The following PRKCD variants were observed in gnomAD, a reference collection of about 807,000 sequenced individuals.
The protein encoded by PRKCD is protein kinase C delta.
In PRKCD, 20 loss-of-function variants were observed where a neutral mutation model predicts 82.2. The ratio of observed to expected loss-of-function variants is 0.24; its 90% CI spans 0.17 to 0.35. The LOEUF (loss-of-function observed/expected upper bound fraction) is 0.35. PRKCD is among the 10% of genes least tolerant of loss of function. The pLI is 1.00. For synonymous variants in PRKCD, 317 were observed against 337.0 expected (o/e 0.94, Z 0.65); for missense variants, 607 against 899.0 (o/e 0.68, Z 4.15).
chr3:53,187,666 C>T (rs528381805), intron 15 of PRKCD, among the ~76,000 whole-genome samples: 1 of 152,328 alleles, frequency 6.6e-6, no homozygotes, highest in South Asian at 2.1e-4. Context: ...CCGTCAGTCT[C>T]GCTCTGAAGC....
chr3:53,183,220 C>A lies in PRKCD; in HGVS notation c.657+14C>A, dbSNP rs782766336. On this transcript the variant is annotated intron_variant, in intron 8 of 18. Coordinates refer to ENST00000330452, the MANE Select transcript of PRKCD (RefSeq NM_006254.4). ...CGGGACACTATAGTGAGCCTGGGTCCGGGGCAGGGCTGGGGATCTGGGGGG... is the reference window on the plus strand; with the variant it reads ...CGGGACACTATAGTGAGCCTGGGTCAGGGGCAGGGCTGGGGATCTGGGGGG... 1.2e-6 allele frequency: 2 copies of A among 1,613,054 alleles called. No homozygotes were observed. Among genetic ancestry groups the A allele is most frequent in the Non-Finnish European group, 1.7e-6 (2 of 1,179,314 alleles).
intron 2 of PRKCD, 24 bp from the exon 3 acceptor site, chr3:53,178,380 G>T (rs782647720): frequency 2.6e-6 from 4 of 1,557,514 alleles, no homozygotes; most frequent in South Asian, 1.1e-5. Context: ...CCGGCCGCCT[G>T]GCCTCACCCC....
intron 9 of PRKCD, 103 bp from the exon 10 acceptor site, chr3:53,184,771 C>A: frequency 1.1e-6 from 1 of 878,990 alleles, no homozygotes; most frequent in Non-Finnish European, 1.9e-6. Context: ...CAGCAGACCC[C>A]ACTGAAGCCC....
chr3:53,170,410 T>A (rs1273677913), intron 2 of PRKCD, among the ~76,000 whole-genome samples: 1 of 152,246 alleles, frequency 6.6e-6, no homozygotes, highest in African/African-American at 2.4e-5. Context: ...CCCGGCTTGC[T>A]GCCCTACCAA....
intron 2 of PRKCD, among the ~76,000 whole-genome samples, chr3:53,175,465 G>T (rs1703183862): frequency 6.6e-6 from 1 of 152,088 alleles, no homozygotes; most frequent in African/African-American, 2.4e-5. Context: ...AGAGACTATT[G>T]CTCATCAGGA....
intron 2 of PRKCD, among the ~76,000 whole-genome samples, chr3:53,168,222 TGATG>T (rs1553664213): frequency 6.6e-6 from 1 of 152,122 alleles, no homozygotes; most frequent in African/African-American, 2.4e-5. Context: ...CATCTGGGAC[TGATG>T]GAAGCTAGAA....
At chr3:53,189,298 C>A in intron 17 of PRKCD, 52 bp downstream of exon 17, 1 of 1,520,836 alleles carries the variant, frequency 6.6e-7, no homozygotes, top group East Asian at 2.3e-5. Context: ...GGGGCAGGGG[C>A]TGGCAGACAC....
chr3:53,185,139 C>CT (rs1213286992), intron 10 of PRKCD, among the ~76,000 whole-genome samples, 165 bp downstream of exon 10: 2 of 152,122 alleles, frequency 1.3e-5, no homozygotes, highest in African/African-American at 2.4e-5. Flanking sequence ...GGGAGGGGGG[C>CT]TTTTTTTCAT....
chr3:53,175,421 C>T (rs568382016), intron 2 of PRKCD, among the ~76,000 whole-genome samples: 5 of 152,240 alleles, frequency 3.3e-5, no homozygotes, highest in South Asian at 2.1e-4. Flanking sequence ...CCTTATCCTA[C>T]GTGAGTTCTC....
chr3:53,178,314 A>G (rs1703287286), intron 2 of PRKCD, 90 bp from the exon 3 acceptor site: 2 of 731,990 alleles, frequency 2.7e-6, no homozygotes, highest in Non-Finnish European at 4.5e-6. Context: ...ATCATAGCAG[A>G]GCCCTGGGGG....
At chr3:53,176,141 G>A (rs1284983140) in intron 2 of PRKCD, among the ~76,000 whole-genome samples, 1 of 152,160 alleles carries the variant, frequency 6.6e-6, no homozygotes, top group African/African-American at 2.4e-5. Context: ...AGAGGTCAAG[G>A]GCAGCTGGCC....
chr3:53,166,983 G>A (rs1301613711), intron 2 of PRKCD, among the ~76,000 whole-genome samples: 1 of 152,248 alleles, frequency 6.6e-6, no homozygotes, highest in Admixed American at 6.5e-5. Context: ...CACAGTGGGT[G>A]GGGGTCCTAT....
At chr3:53,164,350 C>T (rs139809790) in intron 1 of PRKCD, among the ~76,000 whole-genome samples, 45 of 152,236 alleles carry the variant, frequency 3.0e-4, no homozygotes, top group Non-Finnish European at 1.5e-4. Context: ...TTTGGGAAGC[C>T]GAGGCAGGTG....
intron 17 of PRKCD, 146 bp from the exon 18 acceptor site, chr3:53,189,727 A>T: frequency 9.2e-7 from 1 of 1,082,082 alleles, no homozygotes; most frequent in South Asian, 1.4e-5. Flanking sequence ...TGCAGGCCAG[A>T]GTGGCCTCCC....
intron 18 of PRKCD, among the ~76,000 whole-genome samples, chr3:53,191,896 G>T (rs1703937245): frequency 6.6e-6 from 1 of 152,280 alleles, no homozygotes; most frequent in Non-Finnish European, 1.5e-5. Flanking sequence ...CCTAACCCAG[G>T]CCCAGAGCTC....
chr3:53,181,668 G>A (rs201501627), intron 6 of PRKCD, 33 bp from the exon 7 acceptor site: 128 of 1,612,374 alleles, frequency 7.9e-5, no homozygotes, highest in African/African-American at 3.3e-4. Context: ...CCCGGTCCCC[G>A]CTCACTCACT....
Position 53,189,070 on chromosome 3 carries a change from C to T in PRKCD, c.1567C>T (p.Leu523=), listed in dbSNP as rs781978248. 1 of 1,613,190 alleles carries T rather than the reference C, an allele frequency of 6.2e-7. No homozygotes were observed. Among genetic ancestry groups the T allele is most frequent in the Non-Finnish European group, 8.5e-7 (1 of 1,179,466 alleles). The part of the protein sequence containing the change: ...DYIAPEILQG[L]KYTFSVDWWS... ...TCCCCACCGCCAGATCCTACAGGGC[C>T]TGAAGTACACATTCTCTGTGGACTG... Residue 523 remains leucine (L), a synonymous_variant, in exon 17 of 19, where the codon CTG becomes TTG. Coordinates refer to ENST00000330452, the MANE Select transcript of PRKCD (RefSeq NM_006254.4).
At position 53,186,693 on chromosome 3, in the gene PRKCD, C is replaced by CACGT; in HGVS notation, c.1352+4_1352+7dup. ...AAGGCCGCTTTGAACTCTACCGTGCCACGTACGTAAGGGCCATGGTGGGGA... is the reference window on the plus strand; with the variant it reads ...AAGGCCGCTTTGAACTCTACCGTGCCACGTACGTACGTAAGGGCCATGGTGGGGA... On this transcript the variant is annotated frameshift_variant and splice_region_variant, in exon 14 of 19. Coordinates refer to ENST00000330452, the MANE Select transcript of PRKCD (RefSeq NM_006254.4). LOFTEE classifies it high-confidence loss of function. The CACGT allele has an allele frequency of 6.2e-7, 1 of 1,612,856 alleles. No individual in the cohort carries two copies. The highest frequency in any genetic ancestry group is 1.1e-5 in the South Asian group (1 of 90,972).
At chr3:53,178,064 G>T (rs1703277858) in intron 2 of PRKCD, among the ~76,000 whole-genome samples, 2 of 150,870 alleles carry the variant, frequency 1.3e-5, no homozygotes, top group African/African-American at 4.9e-5. Context: ...TCCTGCCTCA[G>T]CCTCCCGAGT....
Sources: gnomAD v4.1 joint callset for allele counts (sites outside exome capture counted in the v4.1 genomes callset) on GRCh38, gnomAD v4.1.1 for gene constraint, MANE v1.5 for transcripts, NCBI Gene and HGNC (gene_info 2026-07-23, HGNC 2026-07-21) for gene names.